SH3PXD2B: variants seen among roughly 807,000 people sequenced by gnomAD.
The protein encoded by SH3PXD2B is SH3 and PX domain-containing protein 2B.
A neutral mutation model predicts 73.1 loss-of-function variants in SH3PXD2B; 37 were observed. That is an observed-to-expected ratio of 0.51 (90% CI 0.39 to 0.67). The LOEUF (loss-of-function observed/expected upper bound fraction) is 0.67. Ranked by LOEUF, SH3PXD2B falls within the 30% of genes least tolerant of loss-of-function variation. SH3PXD2B has a pLI of 0.00. For synonymous variants in SH3PXD2B, 457 were observed against 480.5 expected (o/e 0.95, Z 0.64); for missense variants, 1,053 against 1,197.8 (o/e 0.88, Z 1.78).
chr5:172,373,170 A>G (rs548641992), intron 6 of SH3PXD2B, among the ~76,000 whole-genome samples: 6 of 152,348 alleles, frequency 3.9e-5, no homozygotes, highest in Non-Finnish European at 8.8e-5. Context: ...ATTGCCCAAA[A>G]AGGGCTGGGG....
At chr5:172,439,402 AT>A (rs1333960364) in intron 1 of SH3PXD2B, among the ~76,000 whole-genome samples, 1 of 151,898 alleles carries the variant, frequency 6.6e-6, no homozygotes, top group Non-Finnish European at 1.5e-5. Flanking sequence ...CTGAGTTTCC[AT>A]TTCTTCACAC....
intron 7 of SH3PXD2B, among the ~76,000 whole-genome samples, chr5:172,360,390 G>C (rs952427237): frequency 1.3e-5 from 2 of 152,168 alleles, no homozygotes; most frequent in Admixed American, 1.3e-4. Context: ...CACAAAGATA[G>C]AAAGCAGCAG....
chr5:172,362,622 A>G (rs1391521745), intron 7 of SH3PXD2B, 113 bp downstream of exon 7: 4 of 1,484,538 alleles, frequency 2.7e-6, no homozygotes, highest in Non-Finnish European at 2.8e-6. Flanking sequence ...AGCAGGATCT[A>G]TGGGAACTGG....
At chr5:172,447,147 T>C (rs1759687893) in intron 1 of SH3PXD2B, among the ~76,000 whole-genome samples, 1 of 151,810 alleles carries the variant, frequency 6.6e-6, no homozygotes, top group Non-Finnish European at 1.5e-5. Flanking sequence ...CAAGAATATG[T>C]GTTCATTGCA....
chr5:172,404,697 G>C (rs1313707496), intron 3 of SH3PXD2B, among the ~76,000 whole-genome samples: 2 of 152,208 alleles, frequency 1.3e-5, no homozygotes, highest in African/African-American at 2.4e-5. Flanking sequence ...GTAAGTGCTT[G>C]ATAGCTGTTA....
downstream of SH3PXD2B, among the ~76,000 whole-genome samples, chr5:172,329,032 C>CAA: frequency 1.5e-5 from 1 of 66,908 alleles, no homozygotes; most frequent in East Asian, 4.5e-4. Flanking sequence ...TATACATATA[C>CAA]GTATATATAT....
intron 9 of SH3PXD2B, among the ~76,000 whole-genome samples, chr5:172,351,777 C>CAA (rs5873319): frequency 0.012 from 1,634 of 140,622 alleles, 25 homozygotes; most frequent in African/African-American, 0.036. Flanking sequence ...GGTTTTAATG[C>CAA]AAAAAAAAAA....
In SH3PXD2B at chr5:172,358,792, AAACT is replaced by A; in HGVS notation, c.644_647del (p.Glu215ValfsTer25). ...CCCTACCTTCTTCAGGCTGCAGAGA[AAACT>A]CATCCTGCACCCCATCCTGGCCTTC... is the stretch of plus-strand genomic sequence containing the variant. On this transcript the variant is annotated frameshift_variant, in exon 8 of 13. Coordinates refer to ENST00000311601, the MANE Select transcript of SH3PXD2B (RefSeq NM_001017995.3). LOFTEE classifies it high-confidence loss of function. 6.2e-7 allele frequency: 1 copy of A among 1,613,310 alleles called. No individual in the cohort carries two copies. Among genetic ancestry groups the A allele is most frequent in the Non-Finnish European group, 8.5e-7 (1 of 1,179,702 alleles).
At position 172,337,704 on chromosome 5, in the gene SH3PXD2B, G is replaced by A. The variant is rs140793956; in HGVS notation, c.*665C>T. 7.6e-5 allele frequency: 75 copies of A among 990,920 alleles called. No individual in the cohort carries two copies. In the African/African-American group the frequency reaches 1.2e-3, roughly 15 times the overall value. 61.4% of individuals were successfully genotyped at this position (990,920 alleles called of 1,614,324 possible). A position where few individuals can be genotyped will look rare whatever the true frequency, so the allele number is the denominator to read the frequency against. The stretch of plus-strand genomic sequence containing the variant: ...GGAACCACCCTTCAGGGCTGACCAC[G>A]GTCCCAAGATAGAAGGTGGGAGGCA... On this transcript the variant is annotated 3_prime_UTR_variant, in exon 13 of 13. Transcript: ENST00000311601.
chr5:172,422,596 G>T (rs956548576), intron 1 of SH3PXD2B, 100 bp from the exon 2 acceptor site: 1 of 1,138,106 alleles, frequency 8.8e-7, no homozygotes, highest in African/African-American at 1.5e-5. Flanking sequence ...GAAAGACGTG[G>T]GTTTCAGCCT....
chr5:172,365,357 C>T (rs149558174), intron 6 of SH3PXD2B, among the ~76,000 whole-genome samples: 46 of 152,320 alleles, frequency 3.0e-4, no homozygotes, highest in African/African-American at 9.4e-4. Context: ...AAGTGACTTT[C>T]TCTGGATCAC....
intron 7 of SH3PXD2B, among the ~76,000 whole-genome samples, chr5:172,359,366 G>A (rs1318968832): frequency 8.1e-6 from 1 of 123,300 alleles, no homozygotes; most frequent in Non-Finnish European, 1.6e-5. Flanking sequence ...CAGCCCGGGC[G>A]ACAGAGTGAG....
intron 10 of SH3PXD2B, among the ~76,000 whole-genome samples, chr5:172,348,659 C>CTTATCT (rs1469378647): frequency 1.9e-5 from 2 of 107,784 alleles, no homozygotes. Flanking sequence ...TCTATCCTAT[C>CTTATCT]TATCTATCTA....
At chr5:172,355,705 C>T (rs1020444547) in intron 8 of SH3PXD2B, among the ~76,000 whole-genome samples, 8 of 152,018 alleles carry the variant, frequency 5.3e-5, no homozygotes, top group African/African-American at 1.7e-4. Flanking sequence ...CCACCACGCC[C>T]GGCTAATTTT....
At position 172,382,456 on chromosome 5, in the gene SH3PXD2B, T is replaced by C. The variant is rs188637233; in HGVS notation, c.310-329A>G. Among the ~76,000 whole-genome samples, 1,002 of 151,900 alleles carry C rather than the reference T, an allele frequency of 6.6e-3. 9 individuals are homozygous for C. Among genetic ancestry groups the C allele is most frequent in the African/African-American group, 0.023 (939 of 41,402 alleles). ...GGAGGGCTTATTAAAACACAGATCG[T>C]GGAGCCCCACCCGAGTTTCTGATCC... On this transcript the variant is annotated intron_variant, in intron 4 of 12. Coordinates refer to ENST00000311601, the MANE Select transcript of SH3PXD2B (RefSeq NM_001017995.3).
chr5:172,349,511 G>C (rs1757110427), intron 10 of SH3PXD2B, among the ~76,000 whole-genome samples: 1 of 152,180 alleles, frequency 6.6e-6, no homozygotes. Context: ...AAGCAAGATG[G>C]GAGAGGCACT....
chr5:172,347,200 G>T, intron 11 of SH3PXD2B, 83 bp downstream of exon 11: 1 of 1,363,944 alleles, frequency 7.3e-7, no homozygotes, highest in Non-Finnish European at 1.0e-6. Flanking sequence ...TTCTGGAAGG[G>T]CGAGGGGTGT....
At chr5:172,377,619 G>C (rs571824169) in intron 5 of SH3PXD2B, among the ~76,000 whole-genome samples, 7 of 152,214 alleles carry the variant, frequency 4.6e-5, no homozygotes, top group African/African-American at 1.7e-4. Flanking sequence ...GAGAAAATAA[G>C]CTCAGAGAAG....
Position 172,338,349 on chromosome 5 carries a change from C to G in SH3PXD2B, c.*20G>C. Reference sequence around the variant, plus strand: ...AAGCCAGCAAGGACCAGCGGGCCCTCTAGGCAGAAAGGGAGTCGGCTACGG... The same window carrying G: ...AAGCCAGCAAGGACCAGCGGGCCCTGTAGGCAGAAAGGGAGTCGGCTACGG... On this transcript the variant is annotated 3_prime_UTR_variant, in exon 13 of 13. Coordinates refer to ENST00000311601, the MANE Select transcript of SH3PXD2B (RefSeq NM_001017995.3). This position sits in a 1 kb window ranked among gnomAD's most constrained non-coding sequence, Gnocchi z 5.1. 1 of 1,613,926 alleles carries G rather than the reference C, an allele frequency of 6.2e-7. No homozygotes were observed. Among genetic ancestry groups the G allele is most frequent in the Non-Finnish European group, 8.5e-7 (1 of 1,180,024 alleles).
Sources: allele counts gnomAD v4.1 joint callset (sites outside exome capture counted in the v4.1 genomes callset), GRCh38; gene constraint gnomAD v4.1.1; non-coding constraint Gnocchi (gnomAD v3.1); transcripts MANE v1.5; gene names NCBI Gene and HGNC (gene_info 2026-07-23, HGNC 2026-07-21).